Variants in BCR observed in about 807,000 individuals in gnomAD.
BCR encodes the protein breakpoint cluster region protein.
In BCR, 58 loss-of-function variants were observed where a neutral mutation model predicts 138.6. That is an observed-to-expected ratio of 0.42 (90% CI 0.34 to 0.52). The LOEUF (loss-of-function observed/expected upper bound fraction) is 0.52, where lower values mean the gene tolerates loss of function less well. BCR is among the 20% of genes least tolerant of loss of function. The pLI, the probability that BCR is intolerant of heterozygous loss-of-function variation, is 0.06. For missense variants in BCR, 1,599 were observed against 1,727.2 expected (o/e 0.93, Z 1.32); for synonymous variants, 786 against 730.1 (o/e 1.08, Z -1.23).
At chr22:23,263,337 C>T (rs2073394427) in intron 4 of BCR, 6 of 1,196,378 alleles carry the variant, frequency 5.0e-6, no homozygotes, top group Non-Finnish European at 7.3e-6. Flanking sequence ...GCTCCGGCGC[C>T]AGATAGCCTG....
chr22:23,281,906 T>C (rs9624073), intron 8 of BCR, among the ~76,000 whole-genome samples: 11,841 of 152,184 alleles, frequency 0.078, 537 homozygotes, highest in Middle Eastern at 0.12. Flanking sequence ...CTTAGGTGGG[T>C]TGTGGGCAGC....
intron 1 of BCR, among the ~76,000 whole-genome samples, chr22:23,230,064 T>TTTTC (rs397819954): frequency 1.3e-5 from 2 of 151,334 alleles, no homozygotes; most frequent in Admixed American, 1.3e-4. Flanking sequence ...TTTTTTTTTT[T>TTTTC]CCTCTTGTCT....
chr22:23,263,206 CA>C, intron 4 of BCR: 1 of 929,556 alleles, frequency 1.1e-6, no homozygotes, highest in Non-Finnish European at 1.6e-6. Context: ...GCTGCGGGGC[CA>C]GCGCTCTGGC....
chr22:23,258,924 G>T (rs982448053), intron 2 of BCR, among the ~76,000 whole-genome samples: 1 of 152,232 alleles, frequency 6.6e-6, no homozygotes, highest in African/African-American at 2.4e-5. Flanking sequence ...CACAGACACC[G>T]GACCTGGCAC....
intron 4 of BCR, chr22:23,263,357 C>T (rs1321691614): frequency 1.7e-6 from 2 of 1,209,796 alleles, no homozygotes; most frequent in Non-Finnish European, 1.2e-6. Context: ...GGGCCTCGCT[C>T]AACTCCGGCT....
At chr22:23,184,515 C>T (rs2072314118) in intron 1 of BCR, among the ~76,000 whole-genome samples, 1 of 152,082 alleles carries the variant, frequency 6.6e-6, no homozygotes, top group Admixed American at 6.6e-5. Context: ...CAAAATTGAT[C>T]GGGAAATATA....
At chr22:23,188,693 G>A (rs2072377185) in intron 1 of BCR, among the ~76,000 whole-genome samples, 1 of 152,210 alleles carries the variant, frequency 6.6e-6, no homozygotes, top group African/African-American at 2.4e-5. Context: ...GGTGGTGGTG[G>A]ATTAAATTAA....
chr22:23,197,819 GTGGGGAGGAA>G (rs1325721836), intron 1 of BCR, among the ~76,000 whole-genome samples: 6 of 152,122 alleles, frequency 3.9e-5, no homozygotes, highest in Non-Finnish European at 8.8e-5. Context: ...TTGAGGGGCG[GTGGGGAGGAA>G]TGGGGAGGGA....
intron 1 of BCR, among the ~76,000 whole-genome samples, chr22:23,190,444 A>T (rs1264187326): frequency 6.6e-6 from 1 of 152,182 alleles, no homozygotes; most frequent in African/African-American, 2.4e-5. Context: ...CTGGGATTAT[A>T]GGCATGAGCC....
chr22:23,315,434 T>A lies in BCR; in HGVS notation c.3728T>A (p.Val1243Asp), dbSNP rs2074059419. ...DSWSLEVMSQ[V>D]QVLLYFLQLE... ...CTCTTCCCTACTCTGCCCGGGCAGGTCCAGGTGCTGCTGTACTTCCTGCAG... is the reference window on the plus strand; with the variant it reads ...CTCTTCCCTACTCTGCCCGGGCAGGACCAGGTGCTGCTGTACTTCCTGCAG... Residue 1243 changes from valine (V) to aspartate (D), a missense_variant and splice_region_variant, in exon 23 of 23, where the codon GTC (valine) becomes GAC (aspartate). Coordinates refer to ENST00000305877, the MANE Select transcript of BCR (RefSeq NM_004327.4). The A allele has an allele frequency of 1.2e-6, 2 of 1,613,558 alleles. No individual in the cohort carries two copies. The highest frequency in any genetic ancestry group is 1.7e-5 in the Admixed American group (1 of 60,024).
chr22:23,246,428 T>A (rs949261529), intron 1 of BCR, among the ~76,000 whole-genome samples: 3 of 152,240 alleles, frequency 2.0e-5, no homozygotes, highest in Non-Finnish European at 4.4e-5. Flanking sequence ...TTCTACCTCT[T>A]GTGAATAATG....
At chr22:23,204,875 A>G (rs1314060152) in intron 1 of BCR, among the ~76,000 whole-genome samples, 1 of 152,194 alleles carries the variant, frequency 6.6e-6, no homozygotes, top group African/African-American at 2.4e-5. Context: ...GGTTGGCAGC[A>G]GGAGGCCTGG....
intron 1 of BCR, among the ~76,000 whole-genome samples, chr22:23,221,958 G>A (rs1279228445): frequency 7.9e-5 from 12 of 151,494 alleles, no homozygotes; most frequent in Non-Finnish European, 1.8e-4. Flanking sequence ...GGGCGTGGTG[G>A]CAGGCGCCTG....
chr22:23,211,719 A>G (rs1568935879), intron 1 of BCR, among the ~76,000 whole-genome samples: 1 of 151,894 alleles, frequency 6.6e-6, no homozygotes, highest in Non-Finnish European at 1.5e-5. Context: ...CATGTTGTCC[A>G]GGCTGGTTGT....
Position 23,181,240 on chromosome 22 carries a change from G to A in BCR, c.280G>A (p.Ala94Thr), listed in dbSNP as rs1421214097. 21 of 1,234,282 alleles carry A rather than the reference G, an allele frequency of 1.7e-5. No individual in the cohort carries two copies. The highest frequency in any genetic ancestry group is 2.1e-5 in the Non-Finnish European group (21 of 980,416). 76.5% of individuals were successfully genotyped at this position (1,234,282 alleles called of 1,614,324 possible). The stretch of plus-strand genomic sequence containing the variant: ...CGGCGCCTCCGAGCCCCGAGCGTCC[G>A]CGTCGCGCCCGCAGCCAGCGCCCGC... ...PDGASEPRASASRPQPAPADG... is the reference protein window; with the variant it reads ...PDGASEPRASTSRPQPAPADG... The change falls in exon 1 of 23, where the codon GCG becomes ACG. Residue 94 changes from alanine to threonine, a missense_variant. Around this residue, in one of 4 missense-constraint regions of BCR, gnomAD observed 806 missense variants for 635.0 expected, o/e 1.27. Coordinates refer to ENST00000305877, the MANE Select transcript of BCR (RefSeq NM_004327.4).
rs777604460 is a variant in BCR, at chr22:23,287,208, C to T, written c.2456C>T (p.Ser819Leu). The T allele has an allele frequency of 7.0e-6, 11 of 1,568,004 alleles. No homozygotes were observed. The highest frequency in any genetic ancestry group is 5.4e-5 in the African/African-American group (4 of 73,908). ...KATERLKKKL[S>L]EQESLLLLMS... The stretch of plus-strand genomic sequence containing the variant: ...ACGGAGAGGCTGAAGAAGAAGCTGT[C>T]GGAGCAGGAGTCACTGCTGCTGCTT... Residue 819 changes from serine to leucine, a missense_variant, in exon 11 of 23, where the codon TCG becomes TTG. Transcript: ENST00000305877.
chr22:23,198,807 G>T (rs1272589192), intron 1 of BCR, among the ~76,000 whole-genome samples: 1 of 152,172 alleles, frequency 6.6e-6, no homozygotes, highest in Non-Finnish European at 1.5e-5. Context: ...GGAGCAGCTG[G>T]TGAGGTACTG....
intron 2 of BCR, 28 bp from the exon 3 acceptor site, chr22:23,260,922 G>C (rs765957243): frequency 6.2e-7 from 1 of 1,605,742 alleles, no homozygotes; most frequent in South Asian, 1.1e-5. Flanking sequence ...CACCCTTCCA[G>C]GCTGACTTCT....
At chr22:23,227,175 T>C (rs2072904655) in intron 1 of BCR, among the ~76,000 whole-genome samples, 1 of 152,234 alleles carries the variant, frequency 6.6e-6, no homozygotes, top group African/African-American at 2.4e-5. Flanking sequence ...GGTGGATTTT[T>C]ACAGCAGGGA....
Sources: allele counts gnomAD v4.1 joint callset (sites outside exome capture counted in the v4.1 genomes callset), GRCh38; gene constraint gnomAD v4.1.1; regional missense constraint gnomAD v4.1.1; transcripts MANE v1.5; gene names NCBI Gene and HGNC (gene_info 2026-07-23, HGNC 2026-07-21).